The following PTPRD variants were observed in gnomAD, a reference collection of about 807,000 sequenced individuals.
PTPRD encodes receptor-type tyrosine-protein phosphatase delta.
Under a neutral mutation model 214.5 loss-of-function variants are expected in PTPRD, and 34 were observed. The observed-to-expected ratio is 0.16, with a 90% CI of 0.12 to 0.21. The LOEUF is 0.21. Among genes scored for constraint, PTPRD ranks in the 10% least tolerant of loss-of-function variants. The probability of loss-of-function intolerance (pLI) is 1.00; values close to 1 mark genes in which losing one functional copy is unlikely to be tolerated. For missense variants in PTPRD, 2,545 were observed against 2,398.7 expected (o/e 1.06, Z -1.27); for synonymous variants, 1,128 against 845.7 (o/e 1.33, Z -5.79).
At chr9:10,349,904 G>A (rs918099237) in intron 2 of PTPRD, among the ~76,000 whole-genome samples, 14 of 152,028 alleles carry the variant, frequency 9.2e-5, no homozygotes, top group African/African-American at 2.2e-4. Context: ...TCAGGTGGTC[G>A]GCCCACCTCG....
At chr9:10,502,918 A>G (rs2133303964) in intron 2 of PTPRD, among the ~76,000 whole-genome samples, 1 of 152,156 alleles carries the variant, frequency 6.6e-6, no homozygotes, top group East Asian at 1.9e-4. Flanking sequence ...TCCCTCTAAA[A>G]CATACATAGC....
intron 3 of PTPRD, among the ~76,000 whole-genome samples, chr9:10,201,201 A>G (rs960350254): frequency 3.9e-5 from 6 of 152,208 alleles, no homozygotes; most frequent in African/African-American, 1.4e-4. Context: ...CCATTTCAAC[A>G]TGGAACATTT....
intron 2 of PTPRD, among the ~76,000 whole-genome samples, chr9:10,465,056 T>C (rs2098984277): frequency 6.6e-6 from 1 of 152,116 alleles, no homozygotes; most frequent in Non-Finnish European, 1.5e-5. Context: ...AATAAAAATA[T>C]GTGTTATAAA....
chr9:10,075,800 A>AT (rs2098123361), intron 3 of PTPRD, among the ~76,000 whole-genome samples: 1 of 151,988 alleles, frequency 6.6e-6, no homozygotes, highest in South Asian at 2.1e-4. Flanking sequence ...AAACACACTA[A>AT]TTTTTCAAAT....
chr9:10,460,216 TA>T (rs948741387), intron 2 of PTPRD, among the ~76,000 whole-genome samples: 4 of 151,536 alleles, frequency 2.6e-5, no homozygotes, highest in South Asian at 4.2e-4. Flanking sequence ...AAAATACAGA[TA>T]AAAAAAATTA....
chr9:9,619,668 T>G (rs2095119440), intron 7 of PTPRD, among the ~76,000 whole-genome samples: 1 of 145,548 alleles, frequency 6.9e-6, no homozygotes, highest in Non-Finnish European at 1.5e-5. Flanking sequence ...ATTTTAATAT[T>G]TCTATAATAT....
chr9:8,887,094 G>C (rs2098497189), intron 11 of PTPRD, among the ~76,000 whole-genome samples: 1 of 152,164 alleles, frequency 6.6e-6, no homozygotes, highest in African/African-American at 2.4e-5. Context: ...CTGAGGTACA[G>C]AAATATTCAG....
intron 8 of PTPRD, among the ~76,000 whole-genome samples, chr9:9,469,896 C>T (rs1343399148): frequency 1.3e-5 from 2 of 152,122 alleles, no homozygotes; most frequent in Non-Finnish European, 2.9e-5. Flanking sequence ...TAAAACCATT[C>T]AATCAGGAAT....
At chr9:9,096,458 T>G (rs1353613541) in intron 10 of PTPRD, among the ~76,000 whole-genome samples, 1 of 152,174 alleles carries the variant, frequency 6.6e-6, no homozygotes, top group African/African-American at 2.4e-5. Flanking sequence ...TTTCCAAGCA[T>G]TAATTTGTAT....
chr9:10,604,820 G>T (rs946957551), intron 2 of PTPRD, among the ~76,000 whole-genome samples: 1 of 151,644 alleles, frequency 6.6e-6, no homozygotes, highest in Non-Finnish European at 1.5e-5. Context: ...ATTACAAATG[G>T]GAAATATTTT....
intron 4 of PTPRD, among the ~76,000 whole-genome samples, chr9:9,973,616 T>C (rs1566852847): frequency 6.6e-6 from 1 of 152,196 alleles, no homozygotes; most frequent in Non-Finnish European, 1.5e-5. Context: ...AGCTGCATTC[T>C]CTTTATATCT....
At position 10,457,581 on chromosome 9, in the gene PTPRD, G is replaced by T. The variant is rs1016236591; in HGVS notation, c.-599-116564C>A. Among the ~76,000 whole-genome samples the T allele has an allele frequency of 3.3e-4, 50 of 151,952 alleles. 2 individuals are homozygous for T. Reference sequence around the variant, plus strand: ...TTTTGGGGCTGTTATAGATAAAGCTGCCATGAGTACTGAAATCTCTAGGTG... The same window carrying T: ...TTTTGGGGCTGTTATAGATAAAGCTTCCATGAGTACTGAAATCTCTAGGTG... On this transcript the variant is annotated intron_variant, in intron 2 of 45. Coordinates refer to ENST00000381196, the MANE Select transcript of PTPRD (RefSeq NM_002839.4).
chr9:10,043,628 G>C (rs1016718097), intron 3 of PTPRD, among the ~76,000 whole-genome samples: 2 of 151,770 alleles, frequency 1.3e-5, no homozygotes, highest in Non-Finnish European at 2.9e-5. Flanking sequence ...ACAATTCAGA[G>C]TGTTTTATGA....
chr9:8,484,247 C>A lies in PTPRD; in HGVS notation c.3285G>T (p.Leu1095=). The A allele has an allele frequency of 3.1e-6, 5 of 1,614,148 alleles. No homozygotes were observed. The highest frequency in any genetic ancestry group is 4.2e-6 in the Non-Finnish European group (5 of 1,180,016). ...LTNRGNSAGG[L]QHRVTAKTAP... is the part of the protein sequence containing the mutation. ...CAGTCTTTGCCGTGACCCTGTGCTG[C>A]AGCCCACCAGCACTGTTTCCACGAT... is the stretch of plus-strand genomic sequence containing the variant. The change falls in exon 30 of 46, where the codon CTG becomes CTT. Residue 1095 remains leucine (L), a synonymous_variant. Transcript: ENST00000381196.
At chr9:8,993,812 T>C (rs2154349731) in intron 11 of PTPRD, among the ~76,000 whole-genome samples, 1 of 152,248 alleles carries the variant, frequency 6.6e-6, no homozygotes, top group Admixed American at 6.6e-5. Context: ...AAGCACCTGT[T>C]ATTACACACT....
chr9:10,075,754 T>C (rs1055354988), intron 3 of PTPRD, among the ~76,000 whole-genome samples: 3 of 152,094 alleles, frequency 2.0e-5, no homozygotes, highest in Admixed American at 6.6e-5. Flanking sequence ...CCAGGATCTT[T>C]GTAAAATTGA....
chr9:10,174,418 G>A (rs576336232), intron 3 of PTPRD, among the ~76,000 whole-genome samples: 1 of 152,164 alleles, frequency 6.6e-6, no homozygotes, highest in South Asian at 2.1e-4. Context: ...CACCATGAGT[G>A]GAAGGAAAAT....
At chr9:10,578,674 G>A (rs1049908680) in intron 2 of PTPRD, among the ~76,000 whole-genome samples, 5 of 152,104 alleles carry the variant, frequency 3.3e-5, no homozygotes, top group South Asian at 2.1e-4. Context: ...AAAGTATTGT[G>A]TGAATCAGTA....
chr9:8,783,922 C>A lies in PTPRD; in HGVS notation c.-103-49976G>T, dbSNP rs2095839683. On this transcript the variant is annotated intron_variant, in intron 11 of 45. Coordinates refer to ENST00000381196, the MANE Select transcript of PTPRD (RefSeq NM_002839.4). ...TTCAGTGCTATACATCCTAACACAG[C>A]TTAAAGTTTTTATTTTACTCACAAG... is the stretch of plus-strand genomic sequence containing the variant. Among the ~76,000 whole-genome samples, 3 of 152,168 alleles carry A rather than the reference C, an allele frequency of 2.0e-5. No homozygotes were observed. In the South Asian group the frequency reaches 6.2e-4, roughly 32 times the overall value.
Sources: gnomAD v4.1 joint callset for allele counts (sites outside exome capture counted in the v4.1 genomes callset) on GRCh38, gnomAD v4.1.1 for gene constraint, MANE v1.5 for transcripts, NCBI Gene and HGNC (gene_info 2026-07-23, HGNC 2026-07-21) for gene names.